MACROD2: variants seen among roughly 807,000 people sequenced by gnomAD.
MACROD2 encodes the protein mono-ADP ribosylhydrolase 2, also known as ADP-ribose glycohydrolase MACROD2.
Under a neutral mutation model 70.4 loss-of-function variants are expected in MACROD2, and 36 were observed. The observed-to-expected ratio is 0.51, with a 90% CI of 0.39 to 0.68. The LOEUF (loss-of-function observed/expected upper bound fraction) is 0.68, where lower values mean the gene tolerates loss of function less well. MACROD2 is among the 30% of genes least tolerant of loss of function. The probability of loss-of-function intolerance (pLI) is 0.00; values close to 1 mark genes in which losing one functional copy is unlikely to be tolerated. For missense variants in MACROD2, 496 were observed against 538.4 expected (o/e 0.92, Z 0.78); for synonymous variants, 172 against 178.8 (o/e 0.96, Z 0.30).
chr20:14,069,626 C>G (rs2053812730), intron 2 of MACROD2, among the ~76,000 whole-genome samples: 1 of 146,610 alleles, frequency 6.8e-6, no homozygotes, highest in Non-Finnish European at 1.5e-5. Context: ...AAATATATCC[C>G]AAATAAATAT....
At chr20:14,472,025 A>G (rs1027669535) in intron 3 of MACROD2, among the ~76,000 whole-genome samples, 36 of 152,226 alleles carry the variant, frequency 2.4e-4, no homozygotes, top group African/African-American at 8.7e-4. Context: ...TTGACTTATT[A>G]AAAGTATTTC....
At chr20:15,674,004 C>T (rs1016642966) in intron 8 of MACROD2, among the ~76,000 whole-genome samples, 4 of 152,064 alleles carry the variant, frequency 2.6e-5, no homozygotes, top group African/African-American at 9.7e-5. Context: ...GAGTGTACAT[C>T]TAGGTTATTT....
chr20:14,349,869 C>A (rs1667156266), intron 3 of MACROD2, among the ~76,000 whole-genome samples: 2 of 149,482 alleles, frequency 1.3e-5, no homozygotes, highest in Non-Finnish European at 3.0e-5. Context: ...CTGCCTCAGC[C>A]TCCCAAGTAG....
chr20:15,519,907 T>C (rs1047950579), intron 8 of MACROD2, among the ~76,000 whole-genome samples: 10 of 152,180 alleles, frequency 6.6e-5, no homozygotes, highest in Non-Finnish European at 1.0e-4. Flanking sequence ...TCTGAACCTC[T>C]ATAGCTGATT....
chr20:15,531,530 A>G (rs1448570425), intron 8 of MACROD2, among the ~76,000 whole-genome samples: 1 of 152,146 alleles, frequency 6.6e-6, no homozygotes, highest in Non-Finnish European at 1.5e-5. Context: ...AAGTACTGAA[A>G]TAGAATAAAA....
At chr20:14,398,116 G>T (rs2083600128) in intron 3 of MACROD2, among the ~76,000 whole-genome samples, 1 of 152,070 alleles carries the variant, frequency 6.6e-6, no homozygotes, top group Admixed American at 6.6e-5. Context: ...CTGTGTGTAT[G>T]TATCAATCAC....
At chr20:14,572,073 C>A (rs981390407) in intron 4 of MACROD2, among the ~76,000 whole-genome samples, 1 of 151,964 alleles carries the variant, frequency 6.6e-6, no homozygotes, top group African/African-American at 2.4e-5. Flanking sequence ...CATTTCTTTG[C>A]CACCTAGATT....
At chr20:14,676,119 G>A (rs993117436) in intron 4 of MACROD2, among the ~76,000 whole-genome samples, 3 of 152,082 alleles carry the variant, frequency 2.0e-5, no homozygotes, top group African/African-American at 4.8e-5. Flanking sequence ...ACACCCCACT[G>A]TCAATATTAG....
chr20:14,173,007 A>T (rs1242615354), intron 3 of MACROD2, among the ~76,000 whole-genome samples: 2 of 152,214 alleles, frequency 1.3e-5, no homozygotes, highest in Non-Finnish European at 2.9e-5. Flanking sequence ...CTGGTGGGAA[A>T]TCTGCTGTTA....
intron 3 of MACROD2, among the ~76,000 whole-genome samples, chr20:14,441,856 G>A (rs1166357362): frequency 6.6e-6 from 1 of 151,550 alleles, no homozygotes; most frequent in Admixed American, 6.6e-5. Context: ...CTGTTACAAT[G>A]TTGATAGTGA....
intron 8 of MACROD2, among the ~76,000 whole-genome samples, chr20:15,681,153 T>A (rs991158224): frequency 6.6e-6 from 1 of 152,238 alleles, no homozygotes; most frequent in African/African-American, 2.4e-5. Context: ...TCTTGTACTC[T>A]ACGTTTAAAG....
chr20:15,591,754 T>C (rs966669542), intron 8 of MACROD2, among the ~76,000 whole-genome samples: 1 of 152,182 alleles, frequency 6.6e-6, no homozygotes, highest in Non-Finnish European at 1.5e-5. Context: ...ACCTATTTGG[T>C]GGCTAATTAT....
chr20:14,938,274 T>A (rs1742282924), intron 5 of MACROD2, among the ~76,000 whole-genome samples: 1 of 152,146 alleles, frequency 6.6e-6, no homozygotes, highest in African/African-American at 2.4e-5. Context: ...TCCATATTAC[T>A]TTCCAGAGTG....
chr20:14,592,151 G>A (rs541975889), intron 4 of MACROD2, among the ~76,000 whole-genome samples: 19 of 152,110 alleles, frequency 1.2e-4, no homozygotes, highest in Non-Finnish European at 2.6e-4. Flanking sequence ...GGAGTTCCTC[G>A]AGAACAAAAC....
At chr20:14,290,507 ATTTTT>A (rs11350359) in intron 3 of MACROD2, among the ~76,000 whole-genome samples, 5 of 133,178 alleles carry the variant, frequency 3.8e-5, no homozygotes, top group Admixed American at 1.5e-4. Context: ...AGGTAGCTGT[ATTTTT>A]TTTTTTTTTT....
chr20:14,280,126 A>G (rs924913612), intron 3 of MACROD2, among the ~76,000 whole-genome samples: 2 of 152,176 alleles, frequency 1.3e-5, no homozygotes, highest in Non-Finnish European at 2.9e-5. Context: ...ATGTCTATTT[A>G]GAACTTTAAT....
chr20:14,069,086 T>TA (rs1453275549), intron 2 of MACROD2, among the ~76,000 whole-genome samples: 1 of 152,052 alleles, frequency 6.6e-6, no homozygotes, highest in Non-Finnish European at 1.5e-5. Flanking sequence ...GTAGCTGGGA[T>TA]TACAGGCCCC....
chr20:15,628,259 T>C (rs1029563400), intron 8 of MACROD2, among the ~76,000 whole-genome samples: 2 of 152,224 alleles, frequency 1.3e-5, no homozygotes, highest in African/African-American at 2.4e-5. Flanking sequence ...TACATATACA[T>C]TTAAGCCTCA....
At chr20:14,532,673 T>C (rs1030635130) in intron 4 of MACROD2, among the ~76,000 whole-genome samples, 1 of 152,170 alleles carries the variant, frequency 6.6e-6, no homozygotes, top group African/African-American at 2.4e-5. Context: ...AGAGTGAATG[T>C]TTCAGATGTG....
Sources: allele counts gnomAD v4.1 joint callset (sites outside exome capture counted in the v4.1 genomes callset), GRCh38; gene constraint gnomAD v4.1.1; transcripts MANE v1.5; gene names NCBI Gene and HGNC (gene_info 2026-07-23, HGNC 2026-07-21).